TMEM132D: variants seen among roughly 807,000 people sequenced by gnomAD.
The protein encoded by TMEM132D is transmembrane protein 132D.
TMEM132D carries 21 observed loss-of-function variants against 62.3 expected under a neutral mutation model. The ratio of observed to expected loss-of-function variants is 0.34; its 90% CI spans 0.24 to 0.49. The LOEUF is 0.49. Among genes scored for constraint, TMEM132D ranks in the 20% least tolerant of loss-of-function variants. The pLI is 0.99. For missense variants in TMEM132D, 1,346 were observed against 1,402.8 expected (o/e 0.96, Z 0.65); for synonymous variants, 621 against 575.6 (o/e 1.08, Z -1.13).
At chr12:129,275,069 C>T (rs1880968218) in intron 4 of TMEM132D, among the ~76,000 whole-genome samples, 1 of 152,068 alleles carries the variant, frequency 6.6e-6, no homozygotes, top group Non-Finnish European at 1.5e-5. Flanking sequence ...TCCTTGAGGC[C>T]AGGAGTTTAA....
At chr12:129,595,530 G>A (rs139454032) in intron 2 of TMEM132D, among the ~76,000 whole-genome samples, 41 of 152,288 alleles carry the variant, frequency 2.7e-4, no homozygotes, top group African/African-American at 7.2e-4. Context: ...AAAAAGGGGC[G>A]GGGGATATTT....
At chr12:129,491,375 G>A (rs1874791278) in intron 3 of TMEM132D, among the ~76,000 whole-genome samples, 1 of 152,098 alleles carries the variant, frequency 6.6e-6, no homozygotes, top group African/African-American at 2.4e-5. Context: ...TTTTCTTTTC[G>A]TTGTGGCCCA....
intron 1 of TMEM132D, among the ~76,000 whole-genome samples, chr12:129,716,047 A>G (rs767864036): frequency 1.3e-5 from 2 of 152,232 alleles, no homozygotes; most frequent in African/African-American, 2.4e-5. Context: ...ATAGGCGTCC[A>G]GGTAGAAAGC....
chr12:129,833,253 C>A (rs143981500), intron 1 of TMEM132D, among the ~76,000 whole-genome samples: 30 of 152,306 alleles, frequency 2.0e-4, no homozygotes, highest in African/African-American at 7.0e-4. Flanking sequence ...CGGACACACA[C>A]AAAGGCAAAC....
rs139348739 is a variant in TMEM132D at position 129,564,279 on chromosome 12, T to C, written c.969-33074A>G. Among the ~76,000 whole-genome samples, 89 of 152,246 alleles carry C rather than the reference T, an allele frequency of 5.8e-4. 1 individual carries two copies. In the East Asian group the frequency reaches 0.015, roughly 26 times the overall value. ...AAGTCTATTAAAACAAAACCAGGGA[T>C]TTTTCTGATATGTCATGTGGCATAG... On this transcript the variant is annotated intron_variant, in intron 2 of 8. Transcript: ENST00000422113.
chr12:129,893,006 AG>A (rs766066000), intron 1 of TMEM132D, among the ~76,000 whole-genome samples: 4 of 152,096 alleles, frequency 2.6e-5, no homozygotes, highest in Non-Finnish European at 5.9e-5. Flanking sequence ...CCTTCTGAGT[AG>A]CTGGCACTAC....
intron 3 of TMEM132D, among the ~76,000 whole-genome samples, chr12:129,399,818 CT>C (rs1310890601): frequency 6.6e-6 from 1 of 151,696 alleles, no homozygotes; most frequent in African/African-American, 2.4e-5. Context: ...AACTGTGTGG[CT>C]CAAAGGAACA....
At chr12:129,267,066 G>A (rs565965712) in intron 4 of TMEM132D, among the ~76,000 whole-genome samples, 11 of 152,140 alleles carry the variant, frequency 7.2e-5, no homozygotes, top group Admixed American at 1.3e-4. Context: ...CCCTTCCTAA[G>A]TCTCTGGGCT....
chr12:129,668,078 C>A (rs1880418564), intron 2 of TMEM132D, among the ~76,000 whole-genome samples: 1 of 151,172 alleles, frequency 6.6e-6, no homozygotes, highest in Non-Finnish European at 1.5e-5. Flanking sequence ...TCTAATAATA[C>A]TGGAGATTGT....
chr12:129,454,679 AC>A (rs1873403414), intron 3 of TMEM132D, among the ~76,000 whole-genome samples: 1 of 152,218 alleles, frequency 6.6e-6, no homozygotes, highest in African/African-American at 2.4e-5. Context: ...TTCAGAAATC[AC>A]CTTTTTAGCT....
At chr12:129,877,963 C>T (rs1183829298) in intron 1 of TMEM132D, among the ~76,000 whole-genome samples, 1 of 152,160 alleles carries the variant, frequency 6.6e-6, no homozygotes, top group Non-Finnish European at 1.5e-5. Flanking sequence ...ATCCACAAGG[C>T]GAGAACTAAG....
intron 1 of TMEM132D, among the ~76,000 whole-genome samples, chr12:129,792,325 A>AT (rs1871422799): frequency 6.6e-6 from 1 of 152,080 alleles, no homozygotes; most frequent in African/African-American, 2.4e-5. Flanking sequence ...TGAATAGGCT[A>AT]TTTCATCTCT....
intron 2 of TMEM132D, among the ~76,000 whole-genome samples, chr12:129,693,571 G>T (rs1473490102): frequency 6.6e-6 from 1 of 152,116 alleles, no homozygotes; most frequent in Non-Finnish European, 1.5e-5. Flanking sequence ...TCAGCGCGGT[G>T]CTGGTGAGGT....
At chr12:129,207,012 C>G (rs1878867524) in intron 5 of TMEM132D, among the ~76,000 whole-genome samples, 2 of 152,088 alleles carry the variant, frequency 1.3e-5, no homozygotes, top group African/African-American at 4.8e-5. Flanking sequence ...TGCTTATTAC[C>G]TGGGTGATGA....
At chr12:129,494,101 C>T (rs576303704) in intron 3 of TMEM132D, among the ~76,000 whole-genome samples, 2 of 152,194 alleles carry the variant, frequency 1.3e-5, no homozygotes, top group African/African-American at 2.4e-5. Context: ...ACAAGCCTGC[C>T]TCACATTCCT....
chr12:129,149,774 C>T (rs1322957288), intron 5 of TMEM132D, among the ~76,000 whole-genome samples: 1 of 152,196 alleles, frequency 6.6e-6, no homozygotes, highest in African/African-American at 2.4e-5. Flanking sequence ...TGGGAGCCAA[C>T]CACAGTGGGT....
chr12:129,180,379 G>T (rs571315542), intron 5 of TMEM132D, among the ~76,000 whole-genome samples: 8 of 152,278 alleles, frequency 5.3e-5, no homozygotes, highest in Non-Finnish European at 1.2e-4. Flanking sequence ...ATGAGTCCCT[G>T]CCTCACTCAC....
In TMEM132D at chr12:129,563,126, G is replaced by A. The variant is rs1390321238; in HGVS notation, c.969-31921C>T. The stretch of plus-strand genomic sequence containing the variant: ...ACATTTGCATTTAATTTTTTTTGAG[G>A]CCAGGGGTGCTTTGGTCTATTCCAA... On this transcript the variant is annotated intron_variant, in intron 2 of 8. Coordinates refer to ENST00000422113, the MANE Select transcript of TMEM132D (RefSeq NM_133448.3). 2.0e-5 allele frequency among the ~76,000 whole-genome samples: 3 copies of A among 152,096 alleles called. No individual in the cohort carries two copies. The East Asian group carries it at 5.8e-4, about 29-fold the overall frequency.
Position 129,089,683 on chromosome 12 carries a change from A to T in TMEM132D, c.1444-4981T>A, listed in dbSNP as rs1245577114. 6.6e-5 allele frequency among the ~76,000 whole-genome samples: 10 copies of T among 151,964 alleles called. 1 individual carries two copies. Among genetic ancestry groups the T allele is most frequent in the Non-Finnish European group, 1.3e-4 (9 of 67,962 alleles). On this transcript the variant is annotated intron_variant, in intron 5 of 8. Transcript: ENST00000422113. ...TAGGACCCCTGCTTGTTGAGCCCCT[A>T]ACACGTGTCAGGGTTGGAGGCTGAA...
Sources: gnomAD v4.1 joint callset for allele counts (sites outside exome capture counted in the v4.1 genomes callset) on GRCh38, gnomAD v4.1.1 for gene constraint, MANE v1.5 for transcripts, NCBI Gene and HGNC (gene_info 2026-07-23, HGNC 2026-07-21) for gene names.